The following TGM7 variants were observed in gnomAD, a reference collection of about 807,000 sequenced individuals.
TGM7 encodes transglutaminase 7.
Under a neutral mutation model 79.5 loss-of-function variants are expected in TGM7, and 74 were observed. That is an observed-to-expected ratio of 0.93 (90% CI 0.77 to 1.13). TGM7 has a LOEUF of 1.13. TGM7 is among the 50% of genes most tolerant of loss of function. The probability of loss-of-function intolerance (pLI) is 0.00; values close to 1 mark genes in which losing one functional copy is unlikely to be tolerated. For synonymous variants in TGM7, 354 were observed against 362.5 expected, an observed-to-expected ratio of 0.98 and a Z score of 0.27; for missense variants, 912 against 905.9, an observed-to-expected ratio of 1.01 and a Z score of -0.09.
chr15:43,290,101 G>A (rs2042956401), intron 4 of TGM7, among the ~76,000 whole-genome samples: 1 of 152,104 alleles, frequency 6.6e-6, no homozygotes, highest in African/African-American at 2.4e-5. Context: ...GGCTTTTGTT[G>A]CCATTTCTTT....
intron 1 of TGM7, among the ~76,000 whole-genome samples, chr15:43,300,732 C>A (rs978304413): frequency 1.8e-4 from 27 of 152,240 alleles, no homozygotes; most frequent in African/African-American, 6.5e-4. Flanking sequence ...ACCCTGGAGG[C>A]GGAGCTTGCA....
chr15:43,300,527 C>T (rs945543076), intron 1 of TGM7, among the ~76,000 whole-genome samples: 6 of 152,176 alleles, frequency 3.9e-5, no homozygotes, highest in African/African-American at 7.2e-5. Flanking sequence ...AAAGGCCGGG[C>T]GCGGTGGCTC....
intron 11 of TGM7, among the ~76,000 whole-genome samples, chr15:43,278,332 C>A (rs992410402): frequency 1.3e-4 from 20 of 152,246 alleles, no homozygotes; most frequent in Non-Finnish European, 8.8e-5. Context: ...CTTCCATTCA[C>A]CCTTCCTTTG....
intron 1 of TGM7, among the ~76,000 whole-genome samples, chr15:43,297,260 C>G (rs2043000867): frequency 6.6e-6 from 1 of 151,956 alleles, no homozygotes; most frequent in South Asian, 2.1e-4. Context: ...TCGAGACCAG[C>G]TGACCAACAT....
intron 5 of TGM7, 23 bp downstream of exon 5, chr15:43,287,518 C>A (rs8036632): frequency 6.2e-7 from 1 of 1,612,580 alleles, no homozygotes; most frequent in African/African-American, 1.3e-5. Flanking sequence ...TGTCCTCAGA[C>A]GGCGGGAAGC....
intron 1 of TGM7, among the ~76,000 whole-genome samples, chr15:43,300,717 C>T (rs549285724): frequency 1.3e-5 from 2 of 152,292 alleles, no homozygotes; most frequent in Non-Finnish European, 2.9e-5. Context: ...AGGAGAATGG[C>T]GTGAACCCTG....
intron 7 of TGM7, 119 bp downstream of exon 7, chr15:43,284,695 A>G (rs1057023208): frequency 1.2e-5 from 15 of 1,250,628 alleles, no homozygotes; most frequent in Middle Eastern, 2.0e-4. Context: ...TTCTCTGAGC[A>G]TTAGCAGCAA....
At chr15:43,279,997 G>C in intron 9 of TGM7, 46 bp from the exon 10 acceptor site, 1 of 1,565,054 alleles carries the variant, frequency 6.4e-7, no homozygotes, top group Non-Finnish European at 8.7e-7. Flanking sequence ...GAGGGGTGGA[G>C]AGGACCAGTG....
Position 43,279,744 on chromosome 15 carries a change from T to C in TGM7, c.1559A>G (p.His520Arg). 1 of 1,614,008 alleles carries C rather than the reference T, an allele frequency of 6.2e-7. No individual in the cohort carries two copies. Among genetic ancestry groups the C allele is most frequent in the Non-Finnish European group, 8.5e-7 (1 of 1,180,024 alleles). The change falls in exon 10 of 13, where the codon CAC becomes CGC. Residue 520 changes from histidine to arginine, a missense_variant. Coordinates refer to ENST00000452443, the MANE Select transcript of TGM7 (RefSeq NM_052955.3). ...LRIQRVPDST[H>R]PRGPIGLVVR... ...CACCAGTCCGATGGGCCCCCGAGGG[T>C]GGGTGCTGTCTGGCACCCTCTGGAT...
At chr15:43,294,119 C>T (rs2042981001) in intron 1 of TGM7, among the ~76,000 whole-genome samples, 1 of 152,276 alleles carries the variant, frequency 6.6e-6, no homozygotes, top group South Asian at 2.1e-4. Context: ...TTTTATCCTA[C>T]TGATATAAGA....
intron 4 of TGM7, among the ~76,000 whole-genome samples, chr15:43,291,364 T>C (rs1478533855): frequency 6.6e-6 from 1 of 152,232 alleles, no homozygotes; most frequent in Non-Finnish European, 1.5e-5. Flanking sequence ...CTGGATTACG[T>C]TTATTGATTT....
chr15:43,289,673 C>G (rs1017874766), intron 4 of TGM7, among the ~76,000 whole-genome samples: 5 of 152,286 alleles, frequency 3.3e-5, no homozygotes, highest in Middle Eastern at 6.8e-3. Context: ...AGTTTACAGT[C>G]CCACCAACAG....
intron 2 of TGM7, 136 bp from the exon 3 acceptor site, chr15:43,293,090 C>T: frequency 7.9e-7 from 1 of 1,266,058 alleles, no homozygotes; most frequent in Non-Finnish European, 1.1e-6. Context: ...CGAGTGTCCT[C>T]AGGCAAACCA....
chr15:43,293,476 C>G lies in TGM7; in HGVS notation c.166G>C (p.Asp56His). ...GTCTCAGCCACAAAGGTGATGTGGT[C>G]GTTCTGGGACTGGAAGGGTCGGCTG... Reference protein sequence around the residue: ...SFSRPFQSQNDHITFVAETGP... With the variant: ...SFSRPFQSQNHHITFVAETGP... Residue 56 changes from aspartate to histidine, a missense_variant, in exon 2 of 13, where the codon GAC becomes CAC. Asp to His is a moderately conservative substitution (Grantham distance 81). Coordinates refer to ENST00000452443, the MANE Select transcript of TGM7 (RefSeq NM_052955.3). 1.2e-6 allele frequency: 2 copies of G among 1,608,432 alleles called. No individual in the cohort carries two copies. Among genetic ancestry groups the G allele is most frequent in the African/African-American group, 1.3e-5 (1 of 74,806 alleles).
At position 43,292,568 on chromosome 15, in the gene TGM7, T is replaced by G. The variant is rs2042968694; in HGVS notation, c.439+141A>C. The G allele has an allele frequency of 2.8e-6, 3 of 1,068,648 alleles. No homozygotes were observed. In the Admixed American group the frequency reaches 6.9e-5, roughly 25 times the overall value. The allele number at this position is 1,068,648 out of a possible 1,614,324, so 66.2% of individuals were successfully genotyped here. A position where few individuals can be genotyped will look rare whatever the true frequency, so the allele number is the denominator to read the frequency against. On this transcript the variant is annotated intron_variant, in intron 3 of 12. Transcript: ENST00000452443. ...TTTCCTCATGCCATTAGAAATTCTT[T>G]GTAAAGATGATTTTTGTGAGAGCAC...
intron 7 of TGM7, among the ~76,000 whole-genome samples, chr15:43,283,814 T>A (rs377319129): frequency 6.6e-6 from 1 of 152,180 alleles, no homozygotes; most frequent in East Asian, 1.9e-4. Flanking sequence ...CTAGCAACCC[T>A]GTGAAGTAGA....
At chr15:43,301,908 T>C (rs2043027157) in intron 1 of TGM7, among the ~76,000 whole-genome samples, 1 of 152,048 alleles carries the variant, frequency 6.6e-6, no homozygotes, top group South Asian at 2.1e-4. Context: ...GAGTTGGCCA[T>C]AGAAATAGCC....
chr15:43,296,570 A>G (rs1263913751), intron 1 of TGM7, among the ~76,000 whole-genome samples: 1 of 151,882 alleles, frequency 6.6e-6, no homozygotes, highest in Non-Finnish European at 1.5e-5. Context: ...CCCATACACA[A>G]CTCCCACCCT....
chr15:43,276,432 G>A lies in TGM7; in HGVS notation c.*23C>T. 1 of 1,603,326 alleles carries A rather than the reference G, an allele frequency of 6.2e-7. No individual in the cohort carries two copies. The highest frequency in any genetic ancestry group is 8.5e-7 in the Non-Finnish European group (1 of 1,174,232). The stretch of plus-strand genomic sequence containing the variant: ...GAGCCAGGTGGGGCAGGGGTGCCAG[G>A]GAGGGCAGCTGGAGGGCGGGTCTCA... On this transcript the variant is annotated 3_prime_UTR_variant, in exon 13 of 13. Transcript: ENST00000452443.
Sources: allele counts gnomAD v4.1 joint callset (sites outside exome capture counted in the v4.1 genomes callset), GRCh38; gene constraint gnomAD v4.1.1; transcripts MANE v1.5; gene names NCBI Gene and HGNC (gene_info 2026-07-23, HGNC 2026-07-21).